The following TRDN variants were observed in gnomAD, a reference collection of about 807,000 sequenced individuals.
TRDN encodes triadin.
In TRDN, 161 loss-of-function variants were observed where a neutral mutation model predicts 149.7. That is an observed-to-expected ratio of 1.08 (90% CI 0.95 to 1.23). TRDN has a LOEUF of 1.23. Ranked by LOEUF, TRDN falls within the 50% of genes most tolerant of loss-of-function variation. The pLI is 0.00. For missense variants in TRDN, 896 were observed against 823.5 expected, an observed-to-expected ratio of 1.09 and a Z score of -1.08; for synonymous variants, 294 against 250.5, an observed-to-expected ratio of 1.17 and a Z score of -1.64.
chr6:123,314,469 T>A (rs2114695464), intron 24 of TRDN, among the ~76,000 whole-genome samples: 1 of 152,034 alleles, frequency 6.6e-6, no homozygotes, highest in Admixed American at 6.6e-5. Flanking sequence ...GGCATACCAT[T>A]TAACACAACA....
chr6:123,337,644 C>A lies in TRDN; in HGVS notation c.1395G>T (p.Lys465Asn). 6.9e-7 allele frequency: 1 copy of A among 1,449,954 alleles called. No homozygotes were observed. Among genetic ancestry groups the A allele is most frequent in the South Asian group, 1.4e-5 (1 of 72,806 alleles). The allele number at this position is 1,449,954 out of a possible 1,614,324, so 89.8% of individuals were successfully genotyped here. ...EQEIRKEKSG[K>N]TSSILKDKEP... ...CTTTATCTTTCAGAATTGAAGAAGT[C>A]TTCCCAGATTTTTCTTTTCTAATTT... Residue 465 changes from lysine to asparagine, a missense_variant, in exon 22 of 41, where the codon AAG (lysine) becomes AAT (asparagine). Physicochemically the swap from Lys to Asn is moderately conservative, Grantham distance 94. Transcript: ENST00000334268.
At chr6:123,423,147 C>A (rs1421431383) in intron 12 of TRDN, among the ~76,000 whole-genome samples, 1 of 152,022 alleles carries the variant, frequency 6.6e-6, no homozygotes, top group Non-Finnish European at 1.5e-5. Flanking sequence ...AAAATGCCAT[C>A]TTTTCACATT....
intron 21 of TRDN, among the ~76,000 whole-genome samples, chr6:123,338,743 C>T (rs1385693867): frequency 6.6e-6 from 1 of 152,136 alleles, no homozygotes; most frequent in Non-Finnish European, 1.5e-5. Context: ...TGTTGTTTTA[C>T]ACCACTAAGT....
chr6:123,308,357 A>G lies in TRDN; in HGVS notation c.1510+8100T>C, dbSNP rs577224883. Among the ~76,000 whole-genome samples the G allele has an allele frequency of 4.8e-5, 7 of 146,156 alleles. No homozygotes were observed. In the South Asian group the frequency reaches 1.3e-3, roughly 27 times the overall value. On this transcript the variant is annotated intron_variant, in intron 24 of 40. Coordinates refer to ENST00000334268, the MANE Select transcript of TRDN (RefSeq NM_006073.4). ...GTGTGTGTTTTTTTTTTTTTTTGGT[A>G]GAAAGCTTTTGCATAAATACCCAGT...
intron 19 of TRDN, among the ~76,000 whole-genome samples, chr6:123,367,859 A>G (rs2114365051): frequency 6.6e-6 from 1 of 152,298 alleles, no homozygotes; most frequent in East Asian, 1.9e-4. Flanking sequence ...AGTCAAGACT[A>G]TTCCTACTGT....
chr6:123,339,449 T>C (rs1779989573), intron 21 of TRDN, among the ~76,000 whole-genome samples: 1 of 152,200 alleles, frequency 6.6e-6, no homozygotes, highest in African/African-American at 2.4e-5. Flanking sequence ...AGACATTATT[T>C]CTGTTTTGAA....
chr6:123,273,305 G>T (rs570779649), intron 28 of TRDN, 32 bp downstream of exon 28: 2 of 1,082,860 alleles, frequency 1.8e-6, no homozygotes, highest in South Asian at 1.7e-5. Context: ...TCGTAAGAAA[G>T]TCTAAGCATA....
rs554635684 is a variant in TRDN at position 123,273,369 on chromosome 6, A to C, written c.1598-6T>G. The C allele has an allele frequency of 9.3e-6, 9 of 966,718 alleles. No individual in the cohort carries two copies. In the African/African-American group the frequency reaches 1.4e-4, roughly 15 times the overall value. 59.9% of individuals were successfully genotyped at this position (966,718 alleles called of 1,614,324 possible). ...TTGCACTTTTTCAGATATAGCTAAA[A>C]TAAATAAATAACATATTAGATTAAA... On this transcript the variant is annotated splice_region_variant and splice_polypyrimidine_tract_variant and intron_variant, in intron 27 of 40. Transcript: ENST00000334268.
At chr6:123,404,343 A>G (rs1196884590) in intron 12 of TRDN, among the ~76,000 whole-genome samples, 1 of 152,228 alleles carries the variant, frequency 6.6e-6, no homozygotes, top group African/African-American at 2.4e-5. Context: ...ATATGCAGTT[A>G]GTATTTGAGA....
chr6:123,527,039 AAAGAAAGATT>A (rs1486370929), intron 5 of TRDN, among the ~76,000 whole-genome samples: 7 of 152,042 alleles, frequency 4.6e-5, no homozygotes, highest in Non-Finnish European at 7.4e-5. Context: ...AAATAAAGGC[AAAGAAAGATT>A]AATTATCTTG....
At chr6:123,516,798 C>T (rs1306574828) in intron 5 of TRDN, among the ~76,000 whole-genome samples, 1 of 151,882 alleles carries the variant, frequency 6.6e-6, no homozygotes, top group East Asian at 1.9e-4. Flanking sequence ...ATAATCTTAC[C>T]CCATACCTTA....
At chr6:123,584,220 A>G (rs1175468406) in intron 1 of TRDN, among the ~76,000 whole-genome samples, 2 of 152,186 alleles carry the variant, frequency 1.3e-5, no homozygotes, top group East Asian at 1.9e-4. Flanking sequence ...GGGACTTAAC[A>G]AAGAGTGAGT....
intron 12 of TRDN, among the ~76,000 whole-genome samples, chr6:123,420,309 AG>A (rs1773841923): frequency 6.6e-6 from 1 of 152,214 alleles, no homozygotes; most frequent in Non-Finnish European, 1.5e-5. Flanking sequence ...TAGTGGTAAA[AG>A]ATGGCAGCTG....
chr6:123,465,942 T>C (rs941204729), intron 9 of TRDN, among the ~76,000 whole-genome samples: 1 of 152,224 alleles, frequency 6.6e-6, no homozygotes, highest in Non-Finnish European at 1.5e-5. Flanking sequence ...TGGTGTAATA[T>C]GGTTTAGCAA....
intron 27 of TRDN, among the ~76,000 whole-genome samples, chr6:123,273,944 T>C (rs1777287813): frequency 6.6e-6 from 1 of 152,076 alleles, no homozygotes; most frequent in Non-Finnish European, 1.5e-5. Flanking sequence ...TTTAGGTCAA[T>C]GCTACCTTCT....
At position 123,610,468 on chromosome 6, in the gene TRDN, T is replaced by C. The variant is rs529754343; in HGVS notation, c.22+26286A>G. Among the ~76,000 whole-genome samples the C allele has an allele frequency of 8.2e-4, 125 of 152,330 alleles. 1 individual carries two copies. The highest frequency in any genetic ancestry group is 2.6e-3 in the African/African-American group (108 of 41,576). The stretch of plus-strand genomic sequence containing the variant: ...GCAATGATTTACTGAATGCCTTCTA[T>C]GTACCAAGCACTCTGCCAGGTGCTT... On this transcript the variant is annotated intron_variant, in intron 1 of 40. Coordinates refer to ENST00000334268, the MANE Select transcript of TRDN (RefSeq NM_006073.4).
At chr6:123,444,717 G>C (rs1775198839) in intron 10 of TRDN, among the ~76,000 whole-genome samples, 1 of 152,188 alleles carries the variant, frequency 6.6e-6, no homozygotes, top group African/African-American at 2.4e-5. Flanking sequence ...TTTATTGAGA[G>C]TTTTTAGCAA....
intron 29 of TRDN, 37 bp from the exon 30 acceptor site, chr6:123,271,223 T>A: frequency 7.2e-7 from 1 of 1,391,456 alleles, no homozygotes; most frequent in Non-Finnish European, 9.8e-7. Flanking sequence ...AGTAGGAAAT[T>A]TGAATACATC....
intron 1 of TRDN, among the ~76,000 whole-genome samples, chr6:123,630,192 A>C (rs1785914061): frequency 6.6e-6 from 1 of 152,058 alleles, no homozygotes. Context: ...TACATTAGAT[A>C]ATATGTATTT....
Sources: allele counts gnomAD v4.1 joint callset (sites outside exome capture counted in the v4.1 genomes callset), GRCh38; gene constraint gnomAD v4.1.1; transcripts MANE v1.5; gene names NCBI Gene and HGNC (gene_info 2026-07-23, HGNC 2026-07-21).